MRPL34: variants seen among roughly 807,000 people sequenced by gnomAD.
MRPL34 encodes the protein large ribosomal subunit protein bL34m.
A neutral mutation model predicts 6.7 loss-of-function variants in MRPL34; 8 were observed. That is an observed-to-expected ratio of 1.20 (90% CI 0.70 to 2.16). The LOEUF (loss-of-function observed/expected upper bound fraction) is 2.16, where lower values mean the gene tolerates loss of function less well. Ranked by LOEUF, MRPL34 falls within the 30% of genes most tolerant of loss-of-function variation. The pLI is 0.00. For missense variants in MRPL34, 146 were observed against 125.5 expected (o/e 1.16, Z -0.78); for synonymous variants, 59 against 55.1 (o/e 1.07, Z -0.31).
At position 17,305,916 on chromosome 19, in the gene MRPL34, G is replaced by C. The variant is rs1300575095; in HGVS notation, c.24G>C (p.Leu8=). Residue 8 remains leucine (L), a synonymous_variant, in exon 1 of 2, where the codon CTG becomes CTC. Coordinates refer to ENST00000252602, the MANE Select transcript of MRPL34 (RefSeq NM_023937.4). The part of the protein sequence containing the change: MAVLAGS[L]LGPTSRSAAL... ...ATATGGCTGTCTTGGCTGGATCCCT[G>C]TTGGGCCCCACGAGTAGGTCGGCAG... 2 of 1,614,132 alleles carry C rather than the reference G, an allele frequency of 1.2e-6. No individual in the cohort carries two copies. The highest frequency in any genetic ancestry group is 2.2e-5 in the East Asian group (1 of 44,866).
upstream of MRPL34, chr19:17,305,699 C>A (rs1341907323): frequency 6.1e-6 from 4 of 655,096 alleles, no homozygotes; most frequent in Non-Finnish European, 1.1e-5. Context: ...TGCAGAGCAT[C>A]CCTGTGCCCC....
chr19:17,301,526 C>G (rs968935995), upstream of MRPL34: 5 of 1,610,288 alleles, frequency 3.1e-6, no homozygotes, highest in Non-Finnish European at 4.2e-6. Context: ...GTGTAGCCAT[C>G]GCTGGACTCG....
At chr19:17,292,637 A>T (rs770634615) in exon 1 of MRPL34, 2 of 1,594,464 alleles carry the variant, frequency 1.3e-6, no homozygotes, top group Non-Finnish European at 1.7e-6. Context: ...GTGCTCACCA[A>T]GCGATGCCCC....
chr19:17,295,884 A>T lies in MRPL34; in HGVS notation c.214+3030A>T, dbSNP rs535204111. Among the ~76,000 whole-genome samples the T allele has an allele frequency of 2.6e-3, 391 of 152,074 alleles. 1 individual carries two copies. Among genetic ancestry groups the T allele is most frequent in the African/African-American group, 7.2e-3 (299 of 41,464 alleles). ...CACCATGCTCAGCTAATTTTTAAAA[A>T]TTTTTTTATAAAGACAGGGTCTCCT... is the stretch of plus-strand genomic sequence containing the variant. On this transcript the variant is annotated intron_variant, in intron 1 of 2. Coordinates refer to the MRPL34 transcript ENST00000595444.
upstream of MRPL34, among the ~76,000 whole-genome samples, chr19:17,299,619 T>A (rs1191545997): frequency 6.7e-6 from 1 of 149,916 alleles, no homozygotes; most frequent in Non-Finnish European, 1.5e-5. Context: ...CCTGTAGTCC[T>A]AGCACTTTGG....
chr19:17,297,102 C>A (rs1405881273), intron 1 of MRPL34, among the ~76,000 whole-genome samples: 3 of 152,198 alleles, frequency 2.0e-5, no homozygotes, highest in African/African-American at 7.2e-5. Context: ...GTTTGCCAGC[C>A]CCTGCTGTAA....
At chr19:17,300,835 C>G, upstream of MRPL34, 2 of 1,566,908 alleles carry the variant, frequency 1.3e-6, no homozygotes, top group Non-Finnish European at 1.7e-6. Flanking sequence ...ACCCCCACCC[C>G]ACATGCCAGG....
At position 17,295,102 on chromosome 19, in the gene MRPL34, T is replaced by TTA. The variant is rs1658888096; in HGVS notation, c.214+2249_214+2250insAT. Among the ~76,000 whole-genome samples the TTA allele has an allele frequency of 5.9e-5, 8 of 136,156 alleles. No homozygotes were observed. In the South Asian group the frequency reaches 2.0e-3, roughly 34 times the overall value. The allele number at this position is 136,156 out of a possible 152,430, so 89.3% of individuals were successfully genotyped here. On this transcript the variant is annotated intron_variant, in intron 1 of 2. Coordinates refer to the MRPL34 transcript ENST00000595444. Reference sequence around the variant, plus strand: ...CCACACCCAGGTAATTTTTTTTTTTTTTTTTTTTTTTTTTGAGACGGAGTC... The same window carrying TTA: ...CCACACCCAGGTAATTTTTTTTTTTTTATTTTTTTTTTTTTTGAGACGGAGTC...
upstream of MRPL34, chr19:17,301,606 C>A (rs769538954): frequency 1.9e-6 from 3 of 1,553,074 alleles, no homozygotes; most frequent in African/African-American, 4.0e-5. Context: ...GTCGGTCACC[C>A]CGGTCAGCAT....
chr19:17,304,577 G>A (rs1200935421), upstream of MRPL34, among the ~76,000 whole-genome samples: 3 of 152,134 alleles, frequency 2.0e-5, no homozygotes, highest in Non-Finnish European at 4.4e-5. Context: ...GCTGGATTCC[G>A]TCCAGACACC....
At chr19:17,294,964 C>G (rs552667250) in intron 1 of MRPL34, 2 of 1,283,716 alleles carry the variant, frequency 1.6e-6, no homozygotes, top group African/African-American at 3.0e-5. Context: ...TACTCTGTCC[C>G]CCAGGCTGGA....
intron 1 of MRPL34, chr19:17,294,780 T>C (rs2074086374): frequency 6.2e-7 from 1 of 1,614,102 alleles, no homozygotes; most frequent in African/African-American, 1.3e-5. Context: ...GCCCCCGCCA[T>C]TGATCATGAT....
At chr19:17,304,081 G>A (rs1405615662), upstream of MRPL34, among the ~76,000 whole-genome samples, 6 of 152,190 alleles carry the variant, frequency 3.9e-5, no homozygotes, top group African/African-American at 1.2e-4. Context: ...GATCACTGGC[G>A]TGAGCCATCG....
Position 17,306,126 on chromosome 19 carries a change from G to T in MRPL34, c.66-40G>T, listed in dbSNP as rs932457672. 51 of 1,497,914 alleles carry T rather than the reference G, an allele frequency of 3.4e-5. No homozygotes were observed. The East Asian group carries it at 8.9e-4, about 26-fold the overall frequency. 92.8% of individuals were successfully genotyped at this position (1,497,914 alleles called of 1,614,324 possible). A position where few individuals can be genotyped will look rare whatever the true frequency, so the allele number is the denominator to read the frequency against. On this transcript the variant is annotated intron_variant, in intron 1 of 1. Coordinates refer to ENST00000252602, the MANE Select transcript of MRPL34 (RefSeq NM_023937.4). Reference sequence around the variant, plus strand: ...AGGTTGAGCGCCAAGGTCACCCAGCGCCCCGTCTGACCTTTCTCGCCGTCC... The same window carrying T: ...AGGTTGAGCGCCAAGGTCACCCAGCTCCCCGTCTGACCTTTCTCGCCGTCC...
At chr19:17,294,906 A>G (rs1013206694) in intron 1 of MRPL34, 116 of 1,572,652 alleles carry the variant, frequency 7.4e-5, no homozygotes, top group Middle Eastern at 3.3e-4. Context: ...GGATACAAGC[A>G]GTGACCATTT....
exon 1 of MRPL34, chr19:17,292,721 G>C (rs769241582): frequency 3.1e-6 from 5 of 1,613,632 alleles, no homozygotes; most frequent in Admixed American, 3.3e-5. Context: ...GCGAGGGCTC[G>C]GGCTCCCAGA....
chr19:17,301,260 C>T (rs2074116698), upstream of MRPL34: 1 of 1,600,628 alleles, frequency 6.2e-7, no homozygotes, highest in African/African-American at 1.3e-5. Context: ...CTGCCAGCTC[C>T]ACCTCCAGGG....
chr19:17,299,080 G>C (rs1352656063), upstream of MRPL34, among the ~76,000 whole-genome samples: 1 of 152,118 alleles, frequency 6.6e-6, no homozygotes, highest in African/African-American at 2.4e-5. Flanking sequence ...AACAATATCA[G>C]TGATGACGGA....
chr19:17,294,640 G>T (rs745904932), intron 1 of MRPL34: 3 of 1,610,340 alleles, frequency 1.9e-6, no homozygotes, highest in South Asian at 2.2e-5. Context: ...GTTCGCCAGG[G>T]CCAGGATCAC....
Sources: allele counts gnomAD v4.1 joint callset (sites outside exome capture counted in the v4.1 genomes callset), GRCh38; gene constraint gnomAD v4.1.1; transcripts MANE v1.5; gene names NCBI Gene and HGNC (gene_info 2026-07-23, HGNC 2026-07-21).